TSPAN18: variants seen among roughly 807,000 people sequenced by gnomAD.
The protein encoded by TSPAN18 is tetraspanin 18, also known as tetraspanin-18.
In TSPAN18, 14 loss-of-function variants were observed where a neutral mutation model predicts 27.3. The observed-to-expected ratio is 0.51, with a 90% CI of 0.34 to 0.80. The LOEUF is 0.80. Ranked by LOEUF, TSPAN18 falls within the 30% of genes least tolerant of loss-of-function variation. The pLI, the probability that TSPAN18 is intolerant of heterozygous loss-of-function variation, is 0.01. For missense variants in TSPAN18, 268 were observed against 323.9 expected (o/e 0.83, Z 1.32); for synonymous variants, 143 against 136.5 (o/e 1.05, Z -0.33).
At chr11:44,848,736 T>G (rs1207544021) in intron 2 of TSPAN18, among the ~76,000 whole-genome samples, 1 of 152,228 alleles carries the variant, frequency 6.6e-6, no homozygotes, top group Non-Finnish European at 1.5e-5. Flanking sequence ...TCTTCGGAGC[T>G]GCCTCCTGGA....
At chr11:44,871,280 G>A (rs1858187065) in intron 3 of TSPAN18, among the ~76,000 whole-genome samples, 1 of 152,100 alleles carries the variant, frequency 6.6e-6, no homozygotes, top group Admixed American at 6.5e-5. Context: ...TAGGGTTCCT[G>A]GTGAAGGCCA....
chr11:44,819,161 G>A (rs1023222709), intron 2 of TSPAN18, among the ~76,000 whole-genome samples: 2 of 152,170 alleles, frequency 1.3e-5, no homozygotes, highest in African/African-American at 4.8e-5. Flanking sequence ...GCCTTCAGGC[G>A]GGCTCTTCTC....
chr11:44,748,217 G>A (rs1218731150), intron 1 of TSPAN18, among the ~76,000 whole-genome samples: 1 of 152,176 alleles, frequency 6.6e-6, no homozygotes, highest in Non-Finnish European at 1.5e-5. Context: ...AAGCCAGCCT[G>A]GCCAACATGG....
intron 3 of TSPAN18, among the ~76,000 whole-genome samples, chr11:44,900,603 G>A (rs1447874200): frequency 6.8e-6 from 1 of 146,520 alleles, no homozygotes; most frequent in African/African-American, 2.5e-5. Flanking sequence ...AGAACTCAGT[G>A]TATGCCAGTG....
At chr11:44,735,728 T>A (rs1193074536) in intron 1 of TSPAN18, among the ~76,000 whole-genome samples, 2 of 152,046 alleles carry the variant, frequency 1.3e-5, no homozygotes. Context: ...ACCATTCTCC[T>A]GCCTCAGCCT....
intron 3 of TSPAN18, among the ~76,000 whole-genome samples, chr11:44,868,993 G>C (rs545176763): frequency 4.5e-4 from 68 of 152,374 alleles, no homozygotes; most frequent in African/African-American, 1.6e-3. Flanking sequence ...GCTGATTTGT[G>C]GTGAGCACTT....
intron 2 of TSPAN18, among the ~76,000 whole-genome samples, chr11:44,768,892 A>AT (rs60616294): frequency 1.6e-3 from 161 of 101,224 alleles, no homozygotes; most frequent in African/African-American, 5.5e-3. Flanking sequence ...ATACTATTTG[A>AT]TTTTTTTTTT....
chr11:44,863,436 C>G (rs975474264), intron 3 of TSPAN18, among the ~76,000 whole-genome samples: 1 of 152,224 alleles, frequency 6.6e-6, no homozygotes, highest in Non-Finnish European at 1.5e-5. Flanking sequence ...TAGCGCCTCC[C>G]TTTTCCTTTT....
At position 44,930,880 on chromosome 11, in the gene TSPAN18, G is replaced by A. The variant is rs1250058184; in HGVS notation, c.*1702G>A. The A allele has an allele frequency of 1.9e-6, 1 of 523,274 alleles. No homozygotes were observed. The highest frequency in any genetic ancestry group is 3.9e-6 in the Non-Finnish European group (1 of 254,848). 32.4% of individuals were successfully genotyped at this position (523,274 alleles called of 1,614,324 possible). A position where few individuals can be genotyped will look rare whatever the true frequency, so the allele number is the denominator to read the frequency against. ...TCTTCAGGAAGAAAGAGCTCATTCT[G>A]TCTCACAAGCCACCGGCATCCTGTA... On this transcript the variant is annotated 3_prime_UTR_variant, in exon 10 of 10. Transcript: ENST00000520358.
At chr11:44,914,811 G>A (rs910607456) in intron 5 of TSPAN18, among the ~76,000 whole-genome samples, 1 of 152,224 alleles carries the variant, frequency 6.6e-6, no homozygotes, top group Non-Finnish European at 1.5e-5. Context: ...AAGATCCGCA[G>A]TGTCTGGGTA....
At chr11:44,731,596 TTG>T (rs796756282) in intron 1 of TSPAN18, among the ~76,000 whole-genome samples, 1,984 of 117,878 alleles carry the variant, frequency 0.017, 64 homozygotes, top group East Asian at 0.072. Context: ...GGGGCCTGGA[TTG>T]TGTGTGTGTG....
rs188312308 is a variant in TSPAN18 at position 44,762,704 on chromosome 11, A to G, written c.-239-1722A>G. Among the ~76,000 whole-genome samples the G allele has an allele frequency of 2.0e-5, 3 of 152,168 alleles. No homozygotes were observed. The East Asian group carries it at 5.8e-4, about 29-fold the overall frequency. ...TCTGATTGTAGCCTTAGTCTGGTTCATGATGCATGAGGTCCCCCTGCGCTG... is the reference window on the plus strand; with the variant it reads ...TCTGATTGTAGCCTTAGTCTGGTTCGTGATGCATGAGGTCCCCCTGCGCTG... On this transcript the variant is annotated intron_variant, in intron 1 of 9. Coordinates refer to ENST00000520358, the MANE Select transcript of TSPAN18 (RefSeq NM_130783.5).
At chr11:44,746,034 AAG>A (rs1257124773) in intron 1 of TSPAN18, among the ~76,000 whole-genome samples, 2 of 152,208 alleles carry the variant, frequency 1.3e-5, no homozygotes, top group African/African-American at 4.8e-5. Context: ...CTCAAAAACA[AAG>A]AACAAAAAAC....
chr11:44,877,154 C>T (rs773805137), intron 3 of TSPAN18, among the ~76,000 whole-genome samples: 6 of 152,240 alleles, frequency 3.9e-5, no homozygotes, highest in Admixed American at 1.3e-4. Flanking sequence ...GTGGCCATCC[C>T]GCTGCCAAAC....
rs897378883 is a variant in TSPAN18 at position 44,810,987 on chromosome 11, C to T, written c.-153+46475C>T. On this transcript the variant is annotated intron_variant, in intron 2 of 9. Coordinates refer to ENST00000520358, the MANE Select transcript of TSPAN18 (RefSeq NM_130783.5). ...GCAGAAGCATGTTACACTGTCATTT[C>T]GTAGTATGATGTAACCAGTAGGCAT... Among the ~76,000 whole-genome samples, 11 of 152,184 alleles carry T rather than the reference C, an allele frequency of 7.2e-5. 1 individual carries two copies. The highest frequency in any genetic ancestry group is 3.9e-4 in the East Asian group (2 of 5,186).
chr11:44,886,086 G>C (rs1386982179), intron 3 of TSPAN18: 2 of 152,256 alleles, frequency 1.3e-5, no homozygotes, highest in African/African-American at 4.8e-5. Context: ...CTGTCTGCCT[G>C]CCTTCGAGGT....
intron 5 of TSPAN18, among the ~76,000 whole-genome samples, chr11:44,910,148 A>T (rs1277343348): frequency 6.6e-6 from 1 of 152,240 alleles, no homozygotes; most frequent in Non-Finnish European, 1.5e-5. Context: ...AGAGGGGATG[A>T]TACAGACGCT....
At chr11:44,795,738 T>G (rs1405168851) in intron 2 of TSPAN18, among the ~76,000 whole-genome samples, 2 of 152,062 alleles carry the variant, frequency 1.3e-5, no homozygotes, top group African/African-American at 4.8e-5. Flanking sequence ...CAGACCCCGC[T>G]GGAGTCTTGA....
intron 2 of TSPAN18, among the ~76,000 whole-genome samples, chr11:44,809,226 C>T (rs1276147210): frequency 6.6e-6 from 1 of 152,090 alleles, no homozygotes; most frequent in African/African-American, 2.4e-5. Flanking sequence ...AGTTCCTTTA[C>T]ACACACCCAT....
Sources: allele counts gnomAD v4.1 joint callset (sites outside exome capture counted in the v4.1 genomes callset), GRCh38; gene constraint gnomAD v4.1.1; transcripts MANE v1.5; gene names NCBI Gene and HGNC (gene_info 2026-07-23, HGNC 2026-07-21).